Variants in GCN1 observed in about 807,000 individuals in gnomAD.
GCN1 encodes GCN1 activator of EIF2AK4, also known as stalled ribosome sensor GCN1.
GCN1 carries 90 observed loss-of-function variants against 288.4 expected under a neutral mutation model. The observed-to-expected ratio is 0.31, with a 90% CI of 0.26 to 0.37. GCN1 has a LOEUF of 0.37. GCN1 is among the 10% of genes least tolerant of loss of function. The pLI is 1.00. For synonymous variants in GCN1, 1,386 were observed against 1,420.2 expected (o/e 0.98, Z 0.54); for missense variants, 2,586 against 3,419.9 (o/e 0.76, Z 6.08).
At chr12:120,192,117 C>G (rs1175226054) in intron 1 of GCN1, among the ~76,000 whole-genome samples, 2 of 152,196 alleles carry the variant, frequency 1.3e-5, no homozygotes, top group African/African-American at 4.8e-5. Flanking sequence ...TCCCACCTCA[C>G]TTCAGTTTGA....
intron 21 of GCN1, 65 bp downstream of exon 21, chr12:120,161,815 T>C: frequency 6.7e-7 from 1 of 1,499,396 alleles, no homozygotes; most frequent in Non-Finnish European, 9.2e-7. Context: ...ACTGGCTCCA[T>C]TCTACACACA....
Position 120,138,837 on chromosome 12 carries a change from G to T in GCN1, c.6014C>A (p.Ser2005Tyr). ...AGCCTTCCTTGCCGTGGGCACGAGG[G>T]ATTCAGAGAAATACAGCACCTGCAA... ...SRDAVLYFSE[S>Y]LVPTARKALC... Residue 2005 changes from serine (S) to tyrosine (Y), a missense_variant, in exon 46 of 58, where the codon TCC becomes TAC. Coordinates refer to ENST00000300648, the MANE Select transcript of GCN1 (RefSeq NM_006836.2). 6.2e-7 allele frequency: 1 copy of T among 1,612,422 alleles called. No homozygotes were observed. Among genetic ancestry groups the T allele is most frequent in the East Asian group, 2.2e-5 (1 of 44,828 alleles).
intron 5 of GCN1, among the ~76,000 whole-genome samples, chr12:120,182,504 C>G (rs1878697208): frequency 6.6e-6 from 1 of 152,320 alleles, no homozygotes; most frequent in East Asian, 1.9e-4. Flanking sequence ...CCAGTTTCCA[C>G]AGTCATCTCA....
intron 5 of GCN1, among the ~76,000 whole-genome samples, chr12:120,180,608 A>C (rs557830193): frequency 1.3e-5 from 2 of 152,132 alleles, no homozygotes; most frequent in Non-Finnish European, 2.9e-5. Context: ...TGTCTCAAAA[A>C]AAAACAAACA....
chr12:120,140,842 C>T lies in GCN1; in HGVS notation c.5994+17G>A, dbSNP rs780758957. The T allele has an allele frequency of 4.3e-6, 7 of 1,610,732 alleles. No homozygotes were observed. In the African/African-American group the frequency reaches 9.4e-5, roughly 22 times the overall value. ...GTCTGCAGTGCACAGCTGGCGGGAT[C>T]CTTGGAAGATACTCACGGCATCCCG... is the stretch of plus-strand genomic sequence containing the variant. On this transcript the variant is annotated intron_variant, in intron 45 of 57. Coordinates refer to ENST00000300648, the MANE Select transcript of GCN1 (RefSeq NM_006836.2).
At chr12:120,181,909 G>A (rs963049484) in intron 5 of GCN1, among the ~76,000 whole-genome samples, 4 of 151,538 alleles carry the variant, frequency 2.6e-5, no homozygotes, top group Non-Finnish European at 4.4e-5. Context: ...CACTTTGGGA[G>A]GCTGAGACAG....
Position 120,158,805 on chromosome 12 carries a change from G to C in GCN1, c.2750-190C>G, listed in dbSNP as rs2240319. On this transcript the variant is annotated intron_variant, in intron 24 of 57. Transcript: ENST00000300648. The surrounding 1 kb of genome is among the most constrained non-coding windows in gnomAD (Gnocchi z 4.3). Reference sequence around the variant, plus strand: ...AGGCGGGCGGATCATGAGGTCAGGAGATTGAGACCATCCTGGCTAACACGG... The same window carrying C: ...AGGCGGGCGGATCATGAGGTCAGGACATTGAGACCATCCTGGCTAACACGG... 0.21 allele frequency among the ~76,000 whole-genome samples: 31,372 copies of C among 152,010 alleles called. 3,884 individuals are homozygous for C. Among genetic ancestry groups the C allele is most frequent in the East Asian group, 0.56 (2,875 of 5,150 alleles).
rs751391027 is a variant in GCN1, at chr12:120,132,022, C to T, written c.7318G>A (p.Asp2440Asn). 6.3e-7 allele frequency: 1 copy of T among 1,581,960 alleles called. No homozygotes were observed. Among genetic ancestry groups the T allele is most frequent in the Admixed American group, 1.8e-5 (1 of 56,274 alleles). Reference protein sequence around the residue: ...LLLSMLGHDEDNTRISSAGCL... With the variant: ...LLLSMLGHDENNTRISSAGCL... ...CCGGCTGAGGAGATGCGAGTGTTGT[C>T]CTGACAGGGAAGAGAAGGGAGTGAG... The change falls in exon 54 of 58, where the codon GAC (aspartate) becomes AAC (asparagine). Residue 2440 changes from aspartate (D) to asparagine (N), a missense_variant and splice_region_variant. Transcript: ENST00000300648.
chr12:120,139,008 A>C, intron 45 of GCN1, 152 bp from the exon 46 acceptor site: 1 of 630,734 alleles, frequency 1.6e-6, no homozygotes, highest in Non-Finnish European at 2.6e-6. Flanking sequence ...TTACTGTGAA[A>C]TAAAAAAAAG....
chr12:120,129,115 C>T (rs1876724095), intron 57 of GCN1, among the ~76,000 whole-genome samples, 161 bp downstream of exon 57: 2 of 152,294 alleles, frequency 1.3e-5, no homozygotes, highest in East Asian at 3.9e-4. Context: ...AGGCGCGAGC[C>T]ACCGCGCCCG....
At chr12:120,190,189 C>T (rs889427300) in intron 2 of GCN1, 109 bp downstream of exon 2, 17 of 635,172 alleles carry the variant, frequency 2.7e-5, no homozygotes, top group Non-Finnish European at 3.5e-5. Flanking sequence ...CGTGCCATTG[C>T]ACTTCAGCCA....
chr12:120,154,591 T>C (rs1877678518), intron 31 of GCN1, among the ~76,000 whole-genome samples: 1 of 152,180 alleles, frequency 6.6e-6, no homozygotes, highest in Non-Finnish European at 1.5e-5. Flanking sequence ...GCCCTGCATA[T>C]AGATGAGGAA....
At chr12:120,180,856 G>T (rs1307891742) in intron 5 of GCN1, among the ~76,000 whole-genome samples, 1 of 151,906 alleles carries the variant, frequency 6.6e-6, no homozygotes, top group Non-Finnish European at 1.5e-5. Context: ...TGGGCATGGT[G>T]GCAGGCGCCT....
intron 54 of GCN1, among the ~76,000 whole-genome samples, 191 bp from the exon 55 acceptor site, chr12:120,131,524 TAAGGA>T (rs1229980580): frequency 2.0e-5 from 3 of 152,136 alleles, no homozygotes; most frequent in Non-Finnish European, 4.4e-5. Context: ...TTAAGGAAAG[TAAGGA>T]AAGCCTGCTC....
intron 2 of GCN1, among the ~76,000 whole-genome samples, chr12:120,188,799 A>T (rs957583065): frequency 6.6e-6 from 1 of 150,774 alleles, no homozygotes; most frequent in Admixed American, 6.6e-5. Flanking sequence ...CAGTGAGCTG[A>T]GATCATGCCA....
At chr12:120,179,173 T>C (rs1878572266) in intron 5 of GCN1, among the ~76,000 whole-genome samples, 1 of 152,146 alleles carries the variant, frequency 6.6e-6, no homozygotes, top group Non-Finnish European at 1.5e-5. Flanking sequence ...AATAAATATT[T>C]GGTGATCACC....
intron 17 of GCN1, 48 bp downstream of exon 17, chr12:120,164,598 C>A (rs747489431): frequency 1.9e-6 from 3 of 1,599,466 alleles, no homozygotes; most frequent in African/African-American, 2.7e-5. Context: ...TTCCTGCCAG[C>A]CTTTGCCTCA....
intron 5 of GCN1, among the ~76,000 whole-genome samples, chr12:120,183,309 C>A (rs1392409270): frequency 1.3e-5 from 2 of 152,312 alleles, no homozygotes; most frequent in South Asian, 4.1e-4. Flanking sequence ...AAATCAGGGG[C>A]CTCATTTCTG....
chr12:120,128,017 C>G (rs371419109), intron 57 of GCN1, 43 bp from the exon 58 acceptor site: 13 of 1,599,204 alleles, frequency 8.1e-6, no homozygotes, highest in Non-Finnish European at 1.0e-5. Context: ...TCAGAACATA[C>G]GGCTGCCACG....
Sources: gnomAD v4.1 joint callset for allele counts (sites outside exome capture counted in the v4.1 genomes callset) on GRCh38, gnomAD v4.1.1 for gene constraint, Gnocchi (gnomAD v3.1) non-coding constraint, MANE v1.5 for transcripts, NCBI Gene and HGNC (gene_info 2026-07-23, HGNC 2026-07-21) for gene names.